The following LRFN5 variants were observed in gnomAD, a reference collection of about 807,000 sequenced individuals.
LRFN5 encodes leucine rich repeat and fibronectin type III domain containing 5, also known as leucine-rich repeat and fibronectin type-III domain-containing protein 5.
Under a neutral mutation model 45.6 loss-of-function variants are expected in LRFN5, and 24 were observed. The observed-to-expected ratio is 0.53, with a 90% CI of 0.38 to 0.74. LRFN5 has a LOEUF of 0.74. LRFN5 is among the 30% of genes least tolerant of loss of function. The pLI is 0.00. For synonymous variants in LRFN5, 340 were observed against 313.8 expected, an observed-to-expected ratio of 1.08 and a Z score of -0.88; for missense variants, 776 against 861.5, an observed-to-expected ratio of 0.90 and a Z score of 1.24.
chr14:41,862,861 CTTTTT>C (rs536861522), intron 2 of LRFN5, among the ~76,000 whole-genome samples: 4 of 110,208 alleles, frequency 3.6e-5, no homozygotes, highest in Admixed American at 1.0e-4. Context: ...TTAAGTCTCT[CTTTTT>C]TTTTTTTTTT....
chr14:41,739,032 A>G (rs1055554494), intron 1 of LRFN5, among the ~76,000 whole-genome samples: 1 of 152,218 alleles, frequency 6.6e-6, no homozygotes, highest in Admixed American at 6.5e-5. Context: ...CAAATTTAAG[A>G]AGAATGAATT....
At chr14:41,893,753 A>G in intron 4 of LRFN5, 1 of 985,360 alleles carries the variant, frequency 1.0e-6, no homozygotes, top group African/African-American at 1.7e-5. Flanking sequence ...GCCAGTCTTG[A>G]AAATAATTAT....
intron 1 of LRFN5, among the ~76,000 whole-genome samples, chr14:41,666,671 GCATTGTCC>G (rs1880915042): frequency 6.6e-6 from 1 of 152,042 alleles, no homozygotes; most frequent in Non-Finnish European, 1.5e-5. Context: ...CGTGGCTAAG[GCATTGTCC>G]AACTAACAGA....
At chr14:41,674,352 G>C (rs1477055464) in intron 1 of LRFN5, among the ~76,000 whole-genome samples, 2 of 142,316 alleles carry the variant, frequency 1.4e-5, no homozygotes, top group Non-Finnish European at 3.1e-5. Context: ...CTCCCTCCCA[G>C]ATGGGGCGGC....
intron 2 of LRFN5, among the ~76,000 whole-genome samples, chr14:41,846,131 A>G (rs1566480309): frequency 6.6e-6 from 1 of 152,028 alleles, no homozygotes; most frequent in Non-Finnish European, 1.5e-5. Flanking sequence ...GTGTCCATAC[A>G]CTGCTAGTGT....
In LRFN5 at chr14:41,855,429, C is replaced by T. The variant is rs77278137; in HGVS notation, c.-20-31177C>T. On this transcript the variant is annotated intron_variant, in intron 2 of 5. Coordinates refer to ENST00000298119, the MANE Select transcript of LRFN5 (RefSeq NM_152447.5). ...TGTATGATATTTTAATACCACTGAACATATCTAGCTACACTTTAGGTTGAC... is the reference window on the plus strand; with the variant it reads ...TGTATGATATTTTAATACCACTGAATATATCTAGCTACACTTTAGGTTGAC... 2.0e-5 allele frequency among the ~76,000 whole-genome samples: 3 copies of T among 152,224 alleles called. No individual in the cohort carries two copies. In the East Asian group the frequency reaches 5.8e-4, roughly 29 times the overall value.
intron 1 of LRFN5, among the ~76,000 whole-genome samples, chr14:41,651,309 T>G (rs1389806232): frequency 6.6e-6 from 1 of 152,128 alleles, no homozygotes; most frequent in African/African-American, 2.4e-5. Flanking sequence ...AAATGGTAGT[T>G]CTCTAACTCT....
intron 5 of LRFN5, among the ~76,000 whole-genome samples, chr14:41,903,686 GA>G (rs1253133511): frequency 2.0e-4 from 30 of 151,656 alleles, no homozygotes; most frequent in African/African-American, 6.8e-4. Flanking sequence ...TAGTTAAGGT[GA>G]ATAATTTACT....
At chr14:41,867,006 C>T (rs17112343) in intron 2 of LRFN5, among the ~76,000 whole-genome samples, 6,285 of 152,042 alleles carry the variant, frequency 0.041, 470 homozygotes, top group African/African-American at 0.14. Context: ...TAGTGAGATA[C>T]ACAGTCTACA....
At chr14:41,876,914 T>C (rs1890207163) in intron 2 of LRFN5, among the ~76,000 whole-genome samples, 1 of 152,262 alleles carries the variant, frequency 6.6e-6, no homozygotes, top group African/African-American at 2.4e-5. Flanking sequence ...ACCTTTAAAA[T>C]GTAATTTAAT....
At position 41,657,262 on chromosome 14, in the gene LRFN5, G is replaced by T. The variant is rs549654800; in HGVS notation, c.-197+48700G>T. Among the ~76,000 whole-genome samples, 4 of 152,042 alleles carry T rather than the reference G, an allele frequency of 2.6e-5. No individual in the cohort carries two copies. The South Asian group carries it at 8.3e-4, about 32-fold the overall frequency. Reference sequence around the variant, plus strand: ...TATGTTTATTTATAAATGTTTTATAGGTAAGTGGGGCTATGTTTTTATTTA... The same window carrying T: ...TATGTTTATTTATAAATGTTTTATATGTAAGTGGGGCTATGTTTTTATTTA... On this transcript the variant is annotated intron_variant, in intron 1 of 5. Transcript: ENST00000298119.
chr14:41,636,615 TAA>T (rs76637605), intron 1 of LRFN5, among the ~76,000 whole-genome samples: 1 of 144,022 alleles, frequency 6.9e-6, no homozygotes, highest in African/African-American at 2.5e-5. Context: ...AAAGTATAAT[TAA>T]AAAAAAAAAA....
intron 1 of LRFN5, among the ~76,000 whole-genome samples, chr14:41,674,858 C>CAA: frequency 6.6e-6 from 1 of 150,942 alleles, no homozygotes; most frequent in African/African-American, 2.4e-5. Context: ...GGGCGGTTGC[C>CAA]GGGCGGAGGG....
At chr14:41,846,615 A>G (rs1260924437) in intron 2 of LRFN5, among the ~76,000 whole-genome samples, 2 of 152,088 alleles carry the variant, frequency 1.3e-5, no homozygotes, top group Admixed American at 1.3e-4. Flanking sequence ...TTTATGTGGA[A>G]ATTTGATTTG....
At chr14:41,694,543 A>T (rs1341858728) in intron 1 of LRFN5, among the ~76,000 whole-genome samples, 2 of 151,922 alleles carry the variant, frequency 1.3e-5, no homozygotes, top group African/African-American at 4.8e-5. Context: ...AGACTGAGTG[A>T]TATTCTTTTC....
intron 2 of LRFN5, among the ~76,000 whole-genome samples, chr14:41,767,855 G>A (rs894507504): frequency 2.6e-5 from 4 of 152,136 alleles, no homozygotes; most frequent in African/African-American, 9.7e-5. Flanking sequence ...GACTTTCCTG[G>A]TTCATACTTA....
intron 1 of LRFN5, among the ~76,000 whole-genome samples, chr14:41,763,495 G>A (rs1885754027): frequency 6.6e-6 from 1 of 152,158 alleles, no homozygotes; most frequent in African/African-American, 2.4e-5. Context: ...GGCACCTTAT[G>A]TGGTTTGGCT....
chr14:41,870,599 A>G (rs948808717), intron 2 of LRFN5, among the ~76,000 whole-genome samples: 6 of 152,160 alleles, frequency 3.9e-5, no homozygotes. Flanking sequence ...TCCACCCCCA[A>G]TGGGTCTATC....
At chr14:41,801,136 A>T (rs1887316241) in intron 2 of LRFN5, among the ~76,000 whole-genome samples, 1 of 152,102 alleles carries the variant, frequency 6.6e-6, no homozygotes, top group South Asian at 2.1e-4. Flanking sequence ...ACTGATTTTG[A>T]AGCCTGGTAT....
Sources: gnomAD v4.1 joint callset for allele counts (sites outside exome capture counted in the v4.1 genomes callset) on GRCh38, gnomAD v4.1.1 for gene constraint, MANE v1.5 for transcripts, NCBI Gene and HGNC (gene_info 2026-07-23, HGNC 2026-07-21) for gene names.